Variants in GRIN3A observed in about 807,000 individuals in gnomAD.
The protein encoded by GRIN3A is glutamate receptor ionotropic, NMDA 3A.
In GRIN3A, 47 loss-of-function variants were observed where a neutral mutation model predicts 92.4. That is an observed-to-expected ratio of 0.51 (90% CI 0.40 to 0.65). The LOEUF is 0.65. Ranked by LOEUF, GRIN3A falls within the 30% of genes least tolerant of loss-of-function variation. The pLI is 0.00. For synonymous variants in GRIN3A, 527 were observed against 540.6 expected, an observed-to-expected ratio of 0.97 and a Z score of 0.35; for missense variants, 1,324 against 1,393.1, an observed-to-expected ratio of 0.95 and a Z score of 0.79.
intron 6 of GRIN3A, among the ~76,000 whole-genome samples, chr9:101,587,686 A>G (rs1458899506): frequency 6.6e-6 from 1 of 152,262 alleles, no homozygotes; most frequent in Non-Finnish European, 1.5e-5. Flanking sequence ...GACCTAATGC[A>G]CTAAGCTTTG....
At chr9:101,663,832 C>G (rs531147369) in intron 3 of GRIN3A, among the ~76,000 whole-genome samples, 20 of 151,136 alleles carry the variant, frequency 1.3e-4, no homozygotes, top group African/African-American at 4.6e-4. Context: ...TACTAGCTTC[C>G]TATTCCCTCT....
intron 1 of GRIN3A, among the ~76,000 whole-genome samples, chr9:101,713,032 C>T (rs576841287): frequency 1.7e-4 from 26 of 152,138 alleles, no homozygotes; most frequent in African/African-American, 6.0e-4. Flanking sequence ...GGGATTCAAA[C>T]CCAGGTAATC....
chr9:101,730,024 T>C (rs188709237), intron 1 of GRIN3A, among the ~76,000 whole-genome samples: 1 of 152,344 alleles, frequency 6.6e-6, no homozygotes, highest in Non-Finnish European at 1.5e-5. Flanking sequence ...GAAAGACTTA[T>C]GAGTTCCTCA....
chr9:101,619,432 C>T (rs10120369), intron 5 of GRIN3A, among the ~76,000 whole-genome samples: 19,687 of 152,094 alleles, frequency 0.13, 2,357 homozygotes, highest in African/African-American at 0.32. Context: ...GGTCTCAATG[C>T]ATTAATCAAT....
chr9:101,695,105 A>G (rs1007493768), intron 1 of GRIN3A, among the ~76,000 whole-genome samples: 1 of 152,214 alleles, frequency 6.6e-6, no homozygotes, highest in Non-Finnish European at 1.5e-5. Context: ...ATTGAATAGC[A>G]TGTATGCAAA....
intron 5 of GRIN3A, among the ~76,000 whole-genome samples, chr9:101,616,237 T>C (rs1255604830): frequency 6.6e-6 from 1 of 152,218 alleles, no homozygotes; most frequent in African/African-American, 2.4e-5. Context: ...AAATAAGTCC[T>C]GAATAAGTGT....
intron 5 of GRIN3A, among the ~76,000 whole-genome samples, chr9:101,620,402 A>G (rs1367378729): frequency 6.6e-6 from 1 of 152,152 alleles, no homozygotes; most frequent in Non-Finnish European, 1.5e-5. Flanking sequence ...TTAGGTTTCA[A>G]CATATGAATC....
rs186890734 is a variant in GRIN3A at position 101,683,300 on chromosome 9, G to A, written c.1304+3296C>T. Among the ~76,000 whole-genome samples, 38 of 152,266 alleles carry A rather than the reference G, an allele frequency of 2.5e-4. No individual in the cohort carries two copies. In the East Asian group the frequency reaches 6.0e-3, roughly 24 times the overall value. ...GACTGTGTGAGAAATGAAAACTTGC[G>A]TAACTCTGACATCCACTATTCATGG... is the stretch of plus-strand genomic sequence containing the variant. On this transcript the variant is annotated intron_variant, in intron 2 of 8. Transcript: ENST00000361820.
intron 1 of GRIN3A, among the ~76,000 whole-genome samples, chr9:101,722,116 A>C (rs905137943): frequency 3.3e-5 from 5 of 152,178 alleles, no homozygotes; most frequent in African/African-American, 1.2e-4. Context: ...CAGCCTAGGC[A>C]TTGGTGCCCC....
intron 3 of GRIN3A, among the ~76,000 whole-genome samples, chr9:101,661,132 G>A (rs953119214): frequency 1.5e-4 from 23 of 151,942 alleles, no homozygotes; most frequent in Admixed American, 2.0e-4. Flanking sequence ...ATTTTTGTGT[G>A]GGAGTGGTAC....
intron 3 of GRIN3A, among the ~76,000 whole-genome samples, chr9:101,667,674 G>A (rs565026439): frequency 3.1e-4 from 47 of 152,020 alleles, no homozygotes; most frequent in Admixed American, 1.2e-3. Flanking sequence ...GAGTAACTAC[G>A]GTATAATAAG....
In GRIN3A at chr9:101,670,823, T is replaced by C. The variant is rs1443828484; in HGVS notation, c.1589A>G (p.Glu530Gly). 2.5e-6 allele frequency: 4 copies of C among 1,613,990 alleles called. No individual in the cohort carries two copies. The highest frequency in any genetic ancestry group is 3.4e-6 in the Non-Finnish European group (4 of 1,179,964). The change falls in exon 3 of 9, where the codon GAG (glutamate) becomes GGG (glycine). Residue 530 changes from glutamate to glycine, a missense_variant. Coordinates refer to ENST00000361820, the MANE Select transcript of GRIN3A (RefSeq NM_133445.3). The part of the protein sequence containing the change: ...LIEHPFVFTR[E>G]VDDEGLCPAG... ...AGGGCACAAGCCTTCATCATCTACC[T>C]CCCTTGTGAAGACAAAAGGATGCTC...
chr9:101,572,985 G>A lies in GRIN3A; in HGVS notation c.*189C>T. On this transcript the variant is annotated 3_prime_UTR_variant, in exon 9 of 9. Coordinates refer to ENST00000361820, the MANE Select transcript of GRIN3A (RefSeq NM_133445.3). ...TTGCTAGAAAAACACTCCTACCCTG[G>A]AGACCTAGAGAGTGAGCTTGAGAGG... The A allele has an allele frequency of 1.7e-6, 1 of 605,892 alleles. No individual in the cohort carries two copies. The highest frequency in any genetic ancestry group is 2.7e-5 in the Admixed American group (1 of 36,696). The allele number at this position is 605,892 out of a possible 1,614,324, so 37.5% of individuals were successfully genotyped here.
chr9:101,717,313 C>CA (rs1241636601), intron 1 of GRIN3A, among the ~76,000 whole-genome samples: 1 of 151,936 alleles, frequency 6.6e-6, no homozygotes, highest in Non-Finnish European at 1.5e-5. Context: ...GTCCAAAAAA[C>CA]AAAAAACAAA....
chr9:101,572,982 C>G lies in GRIN3A; in HGVS notation c.*192G>C. On this transcript the variant is annotated 3_prime_UTR_variant, in exon 9 of 9. Coordinates refer to ENST00000361820, the MANE Select transcript of GRIN3A (RefSeq NM_133445.3). ...TTCTTGCTAGAAAAACACTCCTACC[C>G]TGGAGACCTAGAGAGTGAGCTTGAG... 4 of 604,134 alleles carry G rather than the reference C, an allele frequency of 6.6e-6. No individual in the cohort carries two copies. The South Asian group carries it at 7.8e-5, about 12-fold the overall frequency. The allele number at this position is 604,134 out of a possible 1,614,324, so 37.4% of individuals were successfully genotyped here. A position where few individuals can be genotyped will look rare whatever the true frequency, so the allele number is the denominator to read the frequency against.
At chr9:101,721,409 A>T (rs1830011502) in intron 1 of GRIN3A, among the ~76,000 whole-genome samples, 1 of 152,190 alleles carries the variant, frequency 6.6e-6, no homozygotes, top group South Asian at 2.1e-4. Context: ...AATCAGCAGC[A>T]TGAAAACTAA....
At chr9:101,725,599 A>G (rs1830074377) in intron 1 of GRIN3A, among the ~76,000 whole-genome samples, 1 of 152,206 alleles carries the variant, frequency 6.6e-6, no homozygotes, top group Non-Finnish European at 1.5e-5. Context: ...ACACACAAAG[A>G]GATAAATTCA....
intron 2 of GRIN3A, among the ~76,000 whole-genome samples, chr9:101,685,378 G>T (rs1325521878): frequency 2.8e-5 from 4 of 141,790 alleles, no homozygotes; most frequent in Non-Finnish European, 6.0e-5. Flanking sequence ...TTAAAGGTAA[G>T]AAGTTATGAG....
chr9:101,588,760 C>G (rs1422159857), intron 6 of GRIN3A, among the ~76,000 whole-genome samples: 2 of 151,806 alleles, frequency 1.3e-5, no homozygotes, highest in African/African-American at 4.8e-5. Flanking sequence ...TTTAAAAGAA[C>G]TTATTTTCTA....
Sources: allele counts gnomAD v4.1 joint callset (sites outside exome capture counted in the v4.1 genomes callset), GRCh38; gene constraint gnomAD v4.1.1; transcripts MANE v1.5; gene names NCBI Gene and HGNC (gene_info 2026-07-23, HGNC 2026-07-21).